Variants in CTTNBP2NL observed in about 807,000 individuals in gnomAD.
The protein encoded by CTTNBP2NL is CTTNBP2 N-terminal-like protein.
Under a neutral mutation model 32.5 loss-of-function variants are expected in CTTNBP2NL, and 16 were observed. The observed-to-expected ratio is 0.49, with a 90% CI of 0.33 to 0.75. The LOEUF (loss-of-function observed/expected upper bound fraction) is 0.75. Ranked by LOEUF, CTTNBP2NL falls within the 30% of genes least tolerant of loss-of-function variation. The probability of loss-of-function intolerance (pLI) is 0.02; values close to 1 mark genes in which losing one functional copy is unlikely to be tolerated. For synonymous variants in CTTNBP2NL, 298 were observed against 289.4 expected (o/e 1.03, Z -0.30); for missense variants, 645 against 756.0 (o/e 0.85, Z 1.72).
chr1:112,451,501 G>A (rs1343664570), intron 4 of CTTNBP2NL, among the ~76,000 whole-genome samples: 1 of 151,428 alleles, frequency 6.6e-6, no homozygotes, highest in East Asian at 2.0e-4. Flanking sequence ...GCCAGACACA[G>A]TGACTCATGC....
chr1:112,447,271 CTA>C (rs1491441323), intron 3 of CTTNBP2NL, among the ~76,000 whole-genome samples: 1 of 75,696 alleles, frequency 1.3e-5, no homozygotes, highest in Non-Finnish European at 2.4e-5. Flanking sequence ...GAGACTCCAT[CTA>C]AAAAAAAAAA....
chr1:112,396,729 G>C (rs539750661), intron 1 of CTTNBP2NL: 14 of 152,260 alleles, frequency 9.2e-5, no homozygotes, highest in Non-Finnish European at 1.8e-4. Context: ...TCCCAAAAAG[G>C]AGGGATGGGG....
At chr1:112,417,107 T>C (rs887331797) in intron 3 of CTTNBP2NL, among the ~76,000 whole-genome samples, 4 of 152,200 alleles carry the variant, frequency 2.6e-5, no homozygotes, top group Non-Finnish European at 4.4e-5. Flanking sequence ...AACAGCTGCC[T>C]CTAATGGAAA....
At chr1:112,404,685 G>A (rs533217929) in intron 1 of CTTNBP2NL, among the ~76,000 whole-genome samples, 4 of 152,228 alleles carry the variant, frequency 2.6e-5, no homozygotes, top group East Asian at 3.9e-4. Context: ...CAATAGAGAC[G>A]GTCAGATACA....
intron 1 of CTTNBP2NL, among the ~76,000 whole-genome samples, chr1:112,405,617 T>C (rs1317146528): frequency 6.6e-6 from 1 of 152,168 alleles, no homozygotes; most frequent in Non-Finnish European, 1.5e-5. Flanking sequence ...TTTTAATAGC[T>C]TTGCACTAAT....
In CTTNBP2NL at chr1:112,456,239, G is replaced by T; in HGVS notation, c.747G>T (p.Leu249=). 6.2e-7 allele frequency: 1 copy of T among 1,614,154 alleles called. No homozygotes were observed. The change falls in exon 6 of 6, where the codon CTG becomes CTT. Residue 249 remains leucine (L), a synonymous_variant. Coordinates refer to ENST00000271277, the MANE Select transcript of CTTNBP2NL (RefSeq NM_018704.3). The part of the protein sequence containing the change: ...LSEFDIEREQ[L]RAKLNREENR... ...AGTTTGACATCGAAAGGGAACAACT[G>T]AGAGCAAAACTGAACCGAGAAGAGA...
Position 112,457,281 on chromosome 1 carries a change from ACTC to A in CTTNBP2NL, c.1791_1793del (p.Pro598del), listed in dbSNP as rs750640982. On this transcript the variant is annotated inframe_deletion, in exon 6 of 6. Transcript: ENST00000271277. ...CCTCACCCCTTCTCCATCTGCTACC[ACTC>A]CATTGACCAAAACTCATTCCCAGGC... 10 of 1,613,764 alleles carry A rather than the reference ACTC, an allele frequency of 6.2e-6. No homozygotes were observed. The South Asian group carries it at 1.1e-4, about 18-fold the overall frequency.
At chr1:112,442,881 G>A (rs756291454) in intron 3 of CTTNBP2NL, among the ~76,000 whole-genome samples, 1 of 151,910 alleles carries the variant, frequency 6.6e-6, no homozygotes, top group Non-Finnish European at 1.5e-5. Context: ...AGTAGAGACG[G>A]GGTTTCGCCA....
chr1:112,407,868 A>G (rs1407905097), intron 1 of CTTNBP2NL, among the ~76,000 whole-genome samples: 5 of 83,466 alleles, frequency 6.0e-5, no homozygotes, highest in Admixed American at 1.9e-4. Context: ...TTTTTGAGGC[A>G]GGGTCTCGCT....
intron 3 of CTTNBP2NL, among the ~76,000 whole-genome samples, chr1:112,438,083 T>C (rs1649788328): frequency 1.3e-5 from 2 of 152,200 alleles, no homozygotes; most frequent in Non-Finnish European, 2.9e-5. Context: ...TTATAGTTTT[T>C]GGGTTTTACA....
At chr1:112,429,980 A>G (rs1649511759) in intron 3 of CTTNBP2NL, among the ~76,000 whole-genome samples, 1 of 152,138 alleles carries the variant, frequency 6.6e-6, no homozygotes, top group African/African-American at 2.4e-5. Context: ...GTAAGAGGGA[A>G]GTGCCAGATT....
At chr1:112,412,518 G>A (rs1457171510) in intron 2 of CTTNBP2NL, among the ~76,000 whole-genome samples, 1 of 150,564 alleles carries the variant, frequency 6.6e-6, no homozygotes, top group Non-Finnish European at 1.5e-5. Flanking sequence ...AAACAGATCT[G>A]TTGGTTCTTA....
rs551748736 is a variant in CTTNBP2NL at position 112,456,750 on chromosome 1, T to G, written c.1258T>G (p.Ser420Ala). 3.1e-6 allele frequency: 5 copies of G among 1,613,976 alleles called. No individual in the cohort carries two copies. The Admixed American group carries it at 6.7e-5, about 22-fold the overall frequency. Reference protein sequence around the residue: ...GSSLSPSSTASSSLTSSPCSS... With the variant: ...GSSLSPSSTAASSLTSSPCSS... The stretch of plus-strand genomic sequence containing the variant: ...CTCACTGTCTCCCAGCAGCACTGCC[T>G]CCTCCTCTCTAACATCCTCTCCTTG... The change falls in exon 6 of 6, where the codon TCC becomes GCC. Residue 420 changes from serine to alanine, a missense_variant. Ser to Ala is a moderately conservative substitution (Grantham distance 99). Coordinates refer to ENST00000271277, the MANE Select transcript of CTTNBP2NL (RefSeq NM_018704.3).
At chr1:112,436,572 G>A (rs980563665) in intron 3 of CTTNBP2NL, among the ~76,000 whole-genome samples, 5 of 151,960 alleles carry the variant, frequency 3.3e-5, no homozygotes, top group East Asian at 3.9e-4. Context: ...GGTCTCACAC[G>A]TCTGGCCTCA....
chr1:112,427,910 A>AAC (rs11382626), intron 3 of CTTNBP2NL, among the ~76,000 whole-genome samples: 1 of 151,384 alleles, frequency 6.6e-6, no homozygotes, highest in Non-Finnish European at 1.5e-5. Context: ...AAAAAAAAAA[A>AAC]CAGTAAATCC....
chr1:112,452,215 A>G lies in CTTNBP2NL; in HGVS notation c.331-2234A>G, dbSNP rs575688679. 2.0e-5 allele frequency among the ~76,000 whole-genome samples: 3 copies of G among 152,130 alleles called. No individual in the cohort carries two copies. The East Asian group carries it at 5.8e-4, about 29-fold the overall frequency. On this transcript the variant is annotated intron_variant, in intron 4 of 5. Coordinates refer to ENST00000271277, the MANE Select transcript of CTTNBP2NL (RefSeq NM_018704.3). ...CGCTGTGTTGCCTGGGCGGGAGTACAGTGGCTATTAACAGGTGCGATCATA... is the reference window on the plus strand; with the variant it reads ...CGCTGTGTTGCCTGGGCGGGAGTACGGTGGCTATTAACAGGTGCGATCATA...
intron 1 of CTTNBP2NL, among the ~76,000 whole-genome samples, chr1:112,408,221 T>A (rs867001362): frequency 2.6e-5 from 2 of 77,698 alleles, no homozygotes; most frequent in African/African-American, 1.2e-4. Context: ...TTTTTTTTAA[T>A]TTTTTTTTTT....
At chr1:112,435,538 C>T (rs958995650) in intron 3 of CTTNBP2NL, among the ~76,000 whole-genome samples, 1 of 152,110 alleles carries the variant, frequency 6.6e-6, no homozygotes, top group Non-Finnish European at 1.5e-5. Context: ...AGAAACTTAA[C>T]TTTAGTAATA....
intron 2 of CTTNBP2NL, 56 bp from the exon 3 acceptor site, chr1:112,416,101 A>T (rs12057798): frequency 3.3e-6 from 3 of 899,750 alleles, no homozygotes; most frequent in East Asian, 4.9e-5. Context: ...TTTTTCTTTA[A>T]TTGTATCAAA....
Sources: gnomAD v4.1 joint callset for allele counts (sites outside exome capture counted in the v4.1 genomes callset) on GRCh38, gnomAD v4.1.1 for gene constraint, MANE v1.5 for transcripts, NCBI Gene and HGNC (gene_info 2026-07-23, HGNC 2026-07-21) for gene names.